The following MYO7A variants were observed in gnomAD, a reference collection of about 807,000 sequenced individuals.
The protein encoded by MYO7A is unconventional myosin-VIIa.
A neutral mutation model predicts 263.8 loss-of-function variants in MYO7A; 210 were observed. The observed-to-expected ratio is 0.80, with a 90% CI of 0.71 to 0.89. MYO7A has a LOEUF of 0.89. Among genes scored for constraint, MYO7A ranks in the 40% least tolerant of loss-of-function variants. MYO7A has a pLI of 0.00. For missense variants in MYO7A, 2,820 were observed against 2,968.3 expected, an observed-to-expected ratio of 0.95 and a Z score of 1.16; for synonymous variants, 1,239 against 1,197.3, an observed-to-expected ratio of 1.03 and a Z score of -0.72.
intron 34 of MYO7A, 59 bp downstream of exon 34, chr11:77,198,680 T>C (rs1428060711): frequency 1.2e-6 from 2 of 1,604,288 alleles, no homozygotes; most frequent in African/African-American, 2.7e-5. Context: ...GGCTGGAGCT[T>C]CCCTGCGGGT....
intron 4 of MYO7A, among the ~76,000 whole-genome samples, chr11:77,153,959 A>C (rs1286860112): frequency 6.6e-6 from 1 of 152,220 alleles, no homozygotes; most frequent in East Asian, 1.9e-4. Flanking sequence ...ATTATTAAGA[A>C]GAAAGTTTAG....
chr11:77,145,998 C>T (rs1047872863), intron 3 of MYO7A, among the ~76,000 whole-genome samples: 2 of 152,252 alleles, frequency 1.3e-5, no homozygotes, highest in African/African-American at 4.8e-5. Flanking sequence ...CCTGCCACAT[C>T]ATTTGTGCCC....
At chr11:77,140,936 A>G (rs1169202204) in intron 2 of MYO7A, among the ~76,000 whole-genome samples, 4 of 152,232 alleles carry the variant, frequency 2.6e-5, no homozygotes, top group Non-Finnish European at 5.9e-5. Flanking sequence ...GCTGGAAAAT[A>G]GCACATAGAT....
At chr11:77,189,665 A>G (rs1591410611) in intron 28 of MYO7A, among the ~76,000 whole-genome samples, 195 bp downstream of exon 28, 1 of 152,062 alleles carries the variant, frequency 6.6e-6, no homozygotes, top group Non-Finnish European at 1.5e-5. Context: ...CCTCAGCCCC[A>G]TTCTACTTAG....
In MYO7A at chr11:77,214,650, T is replaced by A. The variant is rs748607920; in HGVS notation, c.6602T>A (p.Met2201Lys). 6.3e-7 allele frequency: 1 copy of A among 1,587,364 alleles called. No homozygotes were observed. The highest frequency in any genetic ancestry group is 1.2e-5 in the South Asian group (1 of 86,690). Residue 2201 changes from methionine (M) to lysine (K), a missense_variant, in exon 49 of 49, where the codon ATG (methionine) becomes AAG (lysine). Physicochemically the swap from Met to Lys is moderately conservative, Grantham distance 95 (BLOSUM62 -1). Transcript: ENST00000409709. ...DDLLTSYISQ[M>K]LTAMSKQRGS... ...CTCCTGACTTCCTACATTAGCCAGA[T>A]GCTCACAGCCATGAGCAAACAGCGG...
At chr11:77,149,792 T>C (rs566383815) in intron 4 of MYO7A, among the ~76,000 whole-genome samples, 36 of 152,194 alleles carry the variant, frequency 2.4e-4, no homozygotes, top group Non-Finnish European at 5.1e-4. Context: ...TCTCACTCTG[T>C]CCCTCAGTCA....
intron 33 of MYO7A, among the ~76,000 whole-genome samples, chr11:77,197,949 G>A (rs1011767733): frequency 2.0e-5 from 3 of 152,248 alleles, no homozygotes; most frequent in Non-Finnish European, 4.4e-5. Flanking sequence ...AGTGGTGCAC[G>A]GGATTGAAAA....
rs772154112 is a variant in MYO7A at position 77,211,196 on chromosome 11, G to A, written c.6096G>A (p.Glu2032=). 1 of 1,593,534 alleles carries A rather than the reference G, an allele frequency of 6.3e-7. No homozygotes were observed. Among genetic ancestry groups the A allele is most frequent in the Non-Finnish European group, 8.5e-7 (1 of 1,170,456 alleles). The stretch of plus-strand genomic sequence containing the variant: ...GAGGCTACCACAAGTGCACGCGGGA[G>A]GAGGTGCTGCAGCTGGGGGCGCTGA... The part of the protein sequence containing the change: ...YLRGYHKCTR[E]EVLQLGALIY... Residue 2032 remains glutamate (E), a synonymous_variant, in exon 45 of 49, where the codon GAG becomes GAA. Coordinates refer to ENST00000409709, the MANE Select transcript of MYO7A (RefSeq NM_000260.4).
intron 9 of MYO7A, 84 bp downstream of exon 9, chr11:77,158,514 C>T: frequency 4.8e-6 from 7 of 1,473,152 alleles, no homozygotes; most frequent in Non-Finnish European, 4.5e-6. Flanking sequence ...ATTGGCAGCT[C>T]AGTTTCTGTC....
At chr11:77,128,686 C>T (rs1218337695) in intron 1 of MYO7A, among the ~76,000 whole-genome samples, 197 bp downstream of exon 1, 3 of 152,152 alleles carry the variant, frequency 2.0e-5, no homozygotes, top group South Asian at 2.1e-4. Context: ...ATGTGTGTCC[C>T]CTGGAGGAGG....
intron 7 of MYO7A, 68 bp from the exon 8 acceptor site, chr11:77,157,211 A>C: frequency 7.1e-7 from 1 of 1,403,260 alleles, no homozygotes; most frequent in South Asian, 1.2e-5. Context: ...CCATCATCCC[A>C]GGCTAGTTCC....
At chr11:77,156,161 A>T (rs1952443511) in intron 5 of MYO7A, 70 bp downstream of exon 5, 1 of 1,539,770 alleles carries the variant, frequency 6.5e-7, no homozygotes, top group Non-Finnish European at 8.8e-7. Context: ...GCTCCTGCTG[A>T]TACCTCTAGG....
At chr11:77,149,810 C>A (rs1555056214) in intron 4 of MYO7A, among the ~76,000 whole-genome samples, 9 of 152,162 alleles carry the variant, frequency 5.9e-5, no homozygotes, top group Non-Finnish European at 1.3e-4. Flanking sequence ...TCAGGCCTCA[C>A]CTGCACTCAG....
At chr11:77,171,675 A>T (rs186960199) in intron 15 of MYO7A, among the ~76,000 whole-genome samples, 43 of 152,348 alleles carry the variant, frequency 2.8e-4, no homozygotes, top group Admixed American at 2.8e-3. Context: ...GACTCTAAAA[A>T]TATAAAAATC....
Position 77,179,834 on chromosome 11 carries a change from C to G in MYO7A, c.2467C>G (p.Arg823Gly). 1.3e-6 allele frequency: 2 copies of G among 1,543,688 alleles called. No individual in the cohort carries two copies. Among genetic ancestry groups the G allele is most frequent in the Non-Finnish European group, 1.7e-6 (2 of 1,147,090 alleles). Residue 823 changes from arginine to glycine, a missense_variant, in exon 21 of 49, where the codon CGC becomes GGC. Arg to Gly is a moderately radical substitution (Grantham distance 125, BLOSUM62 -2). Transcript: ENST00000409709. ...ARQRIIQFQA[R>G]CRAYLVRKAF... ...CCAGCGCATCATCCAGTTCCAGGCCCGCTGCCGCGCCTATCTGGTGCGCAA... is the reference window on the plus strand; with the variant it reads ...CCAGCGCATCATCCAGTTCCAGGCCGGCTGCCGCGCCTATCTGGTGCGCAA...
chr11:77,166,202 C>A lies in MYO7A; in HGVS notation c.1797+40C>A, dbSNP rs782357517. ...GTTTCTGTTGTTCGGGAAGGGCCCC[C>A]ACGGGCCAGGCCTGAGTCTAAGCCC... On this transcript the variant is annotated intron_variant, in intron 15 of 48. Transcript: ENST00000409709. 11 of 1,562,326 alleles carry A rather than the reference C, an allele frequency of 7.0e-6. No individual in the cohort carries two copies. The South Asian group carries it at 1.2e-4, about 18-fold the overall frequency.
chr11:77,213,433 C>A (rs778694472), intron 47 of MYO7A, among the ~76,000 whole-genome samples: 1 of 152,210 alleles, frequency 6.6e-6, no homozygotes, highest in Admixed American at 6.5e-5. Context: ...TGACCACCAT[C>A]TTTCCATTGG....
intron 15 of MYO7A, among the ~76,000 whole-genome samples, 185 bp from the exon 16 acceptor site, chr11:77,172,563 G>A (rs1002632286): frequency 2.0e-5 from 3 of 152,172 alleles, no homozygotes; most frequent in Non-Finnish European, 4.4e-5. Flanking sequence ...CCTGGAGGAG[G>A]TATCTGGAGT....
rs1957596420 is a variant in MYO7A, at chr11:77,208,273, G to T, written c.5857-157G>T. Among the ~76,000 whole-genome samples the T allele has an allele frequency of 2.0e-5, 3 of 152,316 alleles. No individual in the cohort carries two copies. In the South Asian group the frequency reaches 6.2e-4, roughly 32 times the overall value. ...GGGCTCTTCCGGGGACACTCAGCAG[G>T]CACATGGGGCAGGGTGGGGCTGACA... On this transcript the variant is annotated intron_variant, in intron 42 of 48. Coordinates refer to ENST00000409709, the MANE Select transcript of MYO7A (RefSeq NM_000260.4).
Sources: allele counts gnomAD v4.1 joint callset (sites outside exome capture counted in the v4.1 genomes callset), GRCh38; gene constraint gnomAD v4.1.1; transcripts MANE v1.5; gene names NCBI Gene and HGNC (gene_info 2026-07-23, HGNC 2026-07-21).